PHACTR1: variants seen among roughly 807,000 people sequenced by gnomAD.
PHACTR1 encodes the protein RPEL repeat containing 1.
In PHACTR1, 16 loss-of-function variants were observed where a neutral mutation model predicts 69.2. That is an observed-to-expected ratio of 0.23 (90% CI 0.16 to 0.35). The LOEUF (loss-of-function observed/expected upper bound fraction) is 0.35, where lower values mean the gene tolerates loss of function less well. Ranked by LOEUF, PHACTR1 falls within the 10% of genes least tolerant of loss-of-function variation. The probability of loss-of-function intolerance (pLI) is 1.00; values close to 1 mark genes in which losing one functional copy is unlikely to be tolerated. For synonymous variants in PHACTR1, 312 were observed against 284.5 expected (o/e 1.10, Z -0.97); for missense variants, 510 against 734.7 (o/e 0.69, Z 3.54).
At chr6:12,833,240 T>G (rs753457999) in intron 4 of PHACTR1, among the ~76,000 whole-genome samples, 2 of 151,880 alleles carry the variant, frequency 1.3e-5, no homozygotes, top group East Asian at 3.9e-4. Context: ...TAATCTCTGC[T>G]CCACAAACCT....
chr6:12,829,071 G>A (rs1312143811), intron 4 of PHACTR1, among the ~76,000 whole-genome samples: 1 of 152,092 alleles, frequency 6.6e-6, no homozygotes, highest in African/African-American at 2.4e-5. Flanking sequence ...CCCCATAAAT[G>A]TGTGCCATTA....
chr6:12,929,610 A>G (rs986820242), intron 4 of PHACTR1, among the ~76,000 whole-genome samples: 4 of 152,232 alleles, frequency 2.6e-5, no homozygotes, highest in Non-Finnish European at 4.4e-5. Context: ...GACAAATGCA[A>G]AGAACAAATG....
At position 13,205,822 on chromosome 6, in the gene PHACTR1, C is replaced by T. The variant is rs540161880; in HGVS notation, c.672C>T (p.Gly224=). ...PSDIMDGPDP[G]APVKLPCLPV... ...GCCCTCTTTCTGCCACAGATCCTGG[C>T]GCCCCTGTGAAATTGCCTTGTCTGC... Residue 224 remains glycine (G), a synonymous_variant, in exon 8 of 15, where the codon GGC becomes GGT. Transcript: ENST00000332995. 8.2e-6 allele frequency: 13 copies of T among 1,581,844 alleles called. No individual in the cohort carries two copies. Among genetic ancestry groups the T allele is most frequent in the South Asian group, 3.4e-5 (3 of 87,890 alleles).
At chr6:13,250,346 T>C (rs1774212776) in intron 10 of PHACTR1, among the ~76,000 whole-genome samples, 1 of 152,240 alleles carries the variant, frequency 6.6e-6, no homozygotes, top group Admixed American at 6.5e-5. Context: ...CTCATTACTC[T>C]AATCATCAAA....
intron 4 of PHACTR1, among the ~76,000 whole-genome samples, chr6:13,045,734 GT>G (rs1331737128): frequency 1.3e-5 from 2 of 152,208 alleles, no homozygotes; most frequent in Non-Finnish European, 2.9e-5. Context: ...TCAGCACAGT[GT>G]TTTCCCAGGG....
rs563525249 is a variant in PHACTR1, at chr6:12,807,444, T to C, written c.250+57654T>C. The stretch of plus-strand genomic sequence containing the variant: ...TTTCACCAAGAGGGATGCTAGTGTA[T>C]ATCGAGGAGTTGATTCTCCATGTTA... On this transcript the variant is annotated intron_variant, in intron 4 of 14. Transcript: ENST00000332995. 3.9e-5 allele frequency among the ~76,000 whole-genome samples: 6 copies of C among 152,076 alleles called. No homozygotes were observed. The South Asian group carries it at 1.0e-3, about 26-fold the overall frequency.
intron 5 of PHACTR1, among the ~76,000 whole-genome samples, chr6:13,096,430 C>T (rs1326496684): frequency 6.6e-6 from 1 of 152,178 alleles, no homozygotes; most frequent in Admixed American, 6.5e-5. Flanking sequence ...AAGCTTCTTA[C>T]ATTTGTGTCT....
At chr6:13,123,103 A>C (rs1394197008) in intron 5 of PHACTR1, among the ~76,000 whole-genome samples, 1 of 152,184 alleles carries the variant, frequency 6.6e-6, no homozygotes, top group Admixed American at 6.5e-5. Context: ...GGCCCCCCAA[A>C]AAAGAGTGAA....
At chr6:13,127,596 G>T (rs1819740148) in intron 5 of PHACTR1, among the ~76,000 whole-genome samples, 1 of 151,854 alleles carries the variant, frequency 6.6e-6, no homozygotes, top group Non-Finnish European at 1.5e-5. Flanking sequence ...ATAGAAGGAA[G>T]GTCACCAATG....
intron 4 of PHACTR1, among the ~76,000 whole-genome samples, chr6:12,819,371 T>C (rs966096869): frequency 6.6e-6 from 1 of 152,344 alleles, no homozygotes; most frequent in East Asian, 1.9e-4. Context: ...GTAGCTCTTG[T>C]GGTGAACACT....
intron 4 of PHACTR1, among the ~76,000 whole-genome samples, chr6:12,859,301 G>A (rs2127422037): frequency 6.6e-6 from 1 of 152,086 alleles, no homozygotes; most frequent in South Asian, 2.1e-4. Flanking sequence ...ACAGCACTTG[G>A]GATATAACCA....
At chr6:12,734,743 A>G (rs1286314668) in intron 3 of PHACTR1, among the ~76,000 whole-genome samples, 2 of 152,316 alleles carry the variant, frequency 1.3e-5, no homozygotes, top group East Asian at 3.9e-4. Context: ...GCCACAGAGG[A>G]TGGGCGGAGT....
intron 4 of PHACTR1, among the ~76,000 whole-genome samples, chr6:13,030,824 G>C (rs1802358057): frequency 6.6e-6 from 1 of 152,180 alleles, no homozygotes; most frequent in Non-Finnish European, 1.5e-5. Flanking sequence ...CACTCAACTA[G>C]GTCTAGTTTC....
At chr6:13,018,190 G>A (rs776101134) in intron 4 of PHACTR1, among the ~76,000 whole-genome samples, 4 of 152,164 alleles carry the variant, frequency 2.6e-5, no homozygotes, top group Non-Finnish European at 5.9e-5. Context: ...GTGAGTTCCT[G>A]TGGATCACAT....
intron 5 of PHACTR1, among the ~76,000 whole-genome samples, chr6:13,123,968 A>G (rs2127951142): frequency 6.6e-6 from 1 of 152,312 alleles, no homozygotes; most frequent in African/African-American, 2.4e-5. Flanking sequence ...CCAAGTCTCA[A>G]AGGAATCAGG....
chr6:13,023,842 C>T (rs533279144), intron 4 of PHACTR1, among the ~76,000 whole-genome samples: 51 of 152,220 alleles, frequency 3.4e-4, no homozygotes, highest in African/African-American at 1.1e-3. Flanking sequence ...TTTGAGAGGC[C>T]GAAGCAGGCA....
chr6:13,056,714 T>C (rs879574496), intron 5 of PHACTR1, among the ~76,000 whole-genome samples: 1 of 151,998 alleles, frequency 6.6e-6, no homozygotes, highest in South Asian at 2.1e-4. Context: ...AGGAGCAGAG[T>C]GAGGGTCCCT....
At chr6:13,090,238 TAG>T (rs1004461758) in intron 5 of PHACTR1, among the ~76,000 whole-genome samples, 1 of 150,752 alleles carries the variant, frequency 6.6e-6, no homozygotes, top group Non-Finnish European at 1.5e-5. Context: ...GTATTTTTAG[TAG>T]AGACAGGGTT....
chr6:12,982,520 A>C (rs1795644959), intron 4 of PHACTR1, among the ~76,000 whole-genome samples: 2 of 152,312 alleles, frequency 1.3e-5, no homozygotes, highest in South Asian at 2.1e-4. Flanking sequence ...CTCTATTAAA[A>C]ATACAAAAAT....
Sources: allele counts gnomAD v4.1 joint callset (sites outside exome capture counted in the v4.1 genomes callset), GRCh38; gene constraint gnomAD v4.1.1; transcripts MANE v1.5; gene names NCBI Gene and HGNC (gene_info 2026-07-23, HGNC 2026-07-21).